The following SLC41A2 variants were observed in gnomAD, a reference collection of about 807,000 sequenced individuals.
The protein encoded by SLC41A2 is SLC41A1-like 1.
In SLC41A2, 32 loss-of-function variants were observed where a neutral mutation model predicts 58.3. The observed-to-expected ratio is 0.55, with a 90% CI of 0.41 to 0.74. The LOEUF (loss-of-function observed/expected upper bound fraction) is 0.74. Ranked by LOEUF, SLC41A2 falls within the 30% of genes least tolerant of loss-of-function variation. The pLI is 0.00. For missense variants in SLC41A2, 514 were observed against 680.6 expected (o/e 0.76, Z 2.72); for synonymous variants, 190 against 235.0 (o/e 0.81, Z 1.75).
rs763217401 is a variant in SLC41A2 at position 104,845,688 on chromosome 12, GATAC to G, written c.1387+151_1387+154del. Among the ~76,000 whole-genome samples the G allele has an allele frequency of 3.9e-5, 6 of 152,156 alleles. 1 individual carries two copies. The South Asian group carries it at 1.2e-3, about 31-fold the overall frequency. ...AAAGATCCTCAGCAACTGCAGACTT[GATAC>G]ACATGCCTTTTCATTCACTGGGATT... On this transcript the variant is annotated intron_variant, in intron 9 of 10. Coordinates refer to ENST00000258538, the MANE Select transcript of SLC41A2 (RefSeq NM_001352171.3).
intron 10 of SLC41A2, among the ~76,000 whole-genome samples, chr12:104,816,851 A>AC (rs1381737176): frequency 2.0e-5 from 3 of 151,762 alleles, no homozygotes; most frequent in Non-Finnish European, 2.9e-5. Flanking sequence ...TGGTTGCAGG[A>AC]CCCCCCTCCC....
intron 2 of SLC41A2, among the ~76,000 whole-genome samples, chr12:104,918,224 G>A (rs1236875063): frequency 6.6e-6 from 1 of 151,906 alleles, no homozygotes; most frequent in East Asian, 1.9e-4. Context: ...CTTCTTTGGT[G>A]GAATCTGGTA....
intron 1 of SLC41A2, among the ~76,000 whole-genome samples, chr12:104,929,556 A>T (rs1276847587): frequency 6.6e-6 from 1 of 152,204 alleles, no homozygotes; most frequent in South Asian, 2.1e-4. Context: ...GAACTAAGAG[A>T]CACAAACACA....
chr12:104,805,989 G>A (rs1379774091), intron 10 of SLC41A2, among the ~76,000 whole-genome samples: 1 of 152,114 alleles, frequency 6.6e-6, no homozygotes, highest in Non-Finnish European at 1.5e-5. Context: ...GTGAAGCTTT[G>A]AATTTTGGGA....
rs554095737 is a variant in SLC41A2, at chr12:104,853,314, T to C, written c.1256-7340A>G. Among the ~76,000 whole-genome samples the C allele has an allele frequency of 2.0e-4, 31 of 152,326 alleles. No individual in the cohort carries two copies. In the East Asian group the frequency reaches 5.8e-3, roughly 28 times the overall value. The stretch of plus-strand genomic sequence containing the variant: ...AGCAAAAGTTCATTTTCTTAAGAAA[T>C]AAATCTTTATAATCAACAGCATAAT... On this transcript the variant is annotated intron_variant, in intron 8 of 10. Transcript: ENST00000258538.
intron 6 of SLC41A2, 101 bp from the exon 7 acceptor site, chr12:104,866,680 C>A: frequency 1.1e-6 from 1 of 929,552 alleles, no homozygotes; most frequent in Non-Finnish European, 1.5e-6. Context: ...ACGACACTAT[C>A]AAACATATTA....
intron 6 of SLC41A2, among the ~76,000 whole-genome samples, chr12:104,884,223 C>T (rs558026586): frequency 1.4e-4 from 21 of 152,286 alleles, no homozygotes; most frequent in African/African-American, 5.1e-4. Context: ...GCAGGAGTGT[C>T]CCAATTTTCC....
chr12:104,927,924 A>G, intron 2 of SLC41A2, 49 bp downstream of exon 2: 1 of 1,488,036 alleles, frequency 6.7e-7, no homozygotes, highest in East Asian at 2.3e-5. Flanking sequence ...TTAAACAGAA[A>G]TGGAATAACA....
chr12:104,945,598 A>C (rs2047687561), intron 1 of SLC41A2, among the ~76,000 whole-genome samples: 1 of 148,322 alleles, frequency 6.7e-6, no homozygotes, highest in Non-Finnish European at 1.5e-5. Flanking sequence ...GTATATATAA[A>C]TTTACTATAT....
At chr12:104,908,441 G>A (rs2045943734) in intron 3 of SLC41A2, among the ~76,000 whole-genome samples, 1 of 152,084 alleles carries the variant, frequency 6.6e-6, no homozygotes. Flanking sequence ...CAGCACAGTT[G>A]TTCAGTTCCC....
At chr12:104,870,733 A>G (rs953368365) in intron 6 of SLC41A2, among the ~76,000 whole-genome samples, 5 of 152,290 alleles carry the variant, frequency 3.3e-5, no homozygotes, top group Admixed American at 2.6e-4. Context: ...CTGTTATATC[A>G]TTTCATTAAT....
At chr12:104,893,464 A>C (rs934154528) in intron 4 of SLC41A2, among the ~76,000 whole-genome samples, 1 of 152,212 alleles carries the variant, frequency 6.6e-6, no homozygotes, top group African/African-American at 2.4e-5. Flanking sequence ...CAAAAAACTA[A>C]AAATACAGCT....
intron 10 of SLC41A2, among the ~76,000 whole-genome samples, chr12:104,807,844 A>C (rs922359860): frequency 6.6e-6 from 1 of 152,100 alleles, no homozygotes; most frequent in African/African-American, 2.4e-5. Flanking sequence ...ATGGGAGTTC[A>C]CTCATGATTT....
intron 8 of SLC41A2, among the ~76,000 whole-genome samples, chr12:104,853,912 T>TTATTA (rs1555202445): frequency 5.8e-5 from 3 of 51,376 alleles, no homozygotes; most frequent in Non-Finnish European, 1.1e-4. Context: ...GCCTGGCTGA[T>TTATTA]TTTTTTTTTT....
chr12:104,955,485 A>G (rs1387265390), intron 1 of SLC41A2, among the ~76,000 whole-genome samples: 1 of 152,082 alleles, frequency 6.6e-6, no homozygotes, highest in African/African-American at 2.4e-5. Flanking sequence ...GTTTCCTCTC[A>G]GTACTTTTCT....
At chr12:104,839,842 T>A (rs2042345495) in intron 10 of SLC41A2, among the ~76,000 whole-genome samples, 1 of 152,172 alleles carries the variant, frequency 6.6e-6, no homozygotes, top group Non-Finnish European at 1.5e-5. Context: ...TTTTGCCTCT[T>A]ATAGGATGTG....
At chr12:104,842,152 A>G (rs929998130) in intron 10 of SLC41A2, among the ~76,000 whole-genome samples, 5 of 152,102 alleles carry the variant, frequency 3.3e-5, no homozygotes, top group African/African-American at 1.2e-4. Context: ...TTATTTCTTC[A>G]TTCTGTTCAT....
At chr12:104,889,321 A>G (rs2044829580) in intron 4 of SLC41A2, 144 bp from the exon 5 acceptor site, 7 of 856,186 alleles carry the variant, frequency 8.2e-6, no homozygotes, top group Non-Finnish European at 1.2e-5. Context: ...AGTAGTTACT[A>G]TATTTTGGTT....
At chr12:104,857,150 T>C (rs2136400654) in intron 8 of SLC41A2, among the ~76,000 whole-genome samples, 1 of 152,286 alleles carries the variant, frequency 6.6e-6, no homozygotes, top group South Asian at 2.1e-4. Flanking sequence ...TATAGTGACA[T>C]AAGCTTCTTA....
Sources: gnomAD v4.1 joint callset for allele counts (sites outside exome capture counted in the v4.1 genomes callset) on GRCh38, gnomAD v4.1.1 for gene constraint, MANE v1.5 for transcripts, NCBI Gene and HGNC (gene_info 2026-07-23, HGNC 2026-07-21) for gene names.